Variants in ODAD1 observed in about 807,000 individuals in gnomAD.
ODAD1 encodes the protein outer dynein arm docking complex subunit 1.
A neutral mutation model predicts 67.2 loss-of-function variants in ODAD1; 49 were observed. The observed-to-expected ratio is 0.73, with a 90% CI of 0.58 to 0.92. The LOEUF (loss-of-function observed/expected upper bound fraction) is 0.92, where lower values mean the gene tolerates loss of function less well. Among genes scored for constraint, ODAD1 ranks in the 40% least tolerant of loss-of-function variants. The pLI is 0.00. For missense variants in ODAD1, 897 were observed against 953.7 expected (o/e 0.94, Z 0.78); for synonymous variants, 345 against 393.7 (o/e 0.88, Z 1.46).
rs559484883 is a variant in ODAD1, at chr19:48,302,630, G to A, written c.1240+64C>T. 75 of 1,419,280 alleles carry A rather than the reference G, an allele frequency of 5.3e-5. No homozygotes were observed. In the South Asian group the frequency reaches 6.8e-4, roughly 13 times the overall value. 87.9% of individuals were successfully genotyped at this position (1,419,280 alleles called of 1,614,324 possible). A position where few individuals can be genotyped will look rare whatever the true frequency, so the allele number is the denominator to read the frequency against. On this transcript the variant is annotated intron_variant, in intron 12 of 15. Transcript: ENST00000674294. ...TCCATGCAATGCCTCCAAGCCCCGC[G>A]GGCTGATGGTGTCCTTCCAAGTGGA...
At chr19:48,319,594 C>T (rs991255438) in intron 3 of ODAD1, 1 of 194,390 alleles carries the variant, frequency 5.1e-6, no homozygotes, top group Non-Finnish European at 9.4e-6. Flanking sequence ...GTGGCACAAT[C>T]TCAGCTCACT....
rs34516095 is a variant in ODAD1, at chr19:48,311,215, C to A, written c.597+338G>T. ...CGACAGAGTGAGACTCATCTCAAAA[C>A]AAAGAAAGAAAGAAAGTCAAAAGAG... On this transcript the variant is annotated intron_variant, in intron 7 of 15. Coordinates refer to ENST00000674294, the MANE Select transcript of ODAD1 (RefSeq NM_001364171.2). 0.26 allele frequency among the ~76,000 whole-genome samples: 39,319 copies of A among 151,914 alleles called. 5,991 individuals are homozygous for A. The highest frequency in any genetic ancestry group is 0.43 in the African/African-American group (17,799 of 41,402).
chr19:48,297,010 G>T lies in ODAD1; in HGVS notation c.2090C>A (p.Pro697Gln). Residue 697 changes from proline to glutamine, a missense_variant, in exon 16 of 16, where the codon CCG (proline) becomes CAG (glutamine). Transcript: ENST00000674294. The stretch of plus-strand genomic sequence containing the variant: ...GGAGTCTTTGCTGGTGGAGGAGCCC[G>T]GGCCAGTGCTGGAGGCAGGGCCGGT... ...SSTGPASSTG[P>Q]GSSTSKDSRG 1 of 1,609,628 alleles carries T rather than the reference G, an allele frequency of 6.2e-7. No homozygotes were observed.
At chr19:48,314,015 G>T (rs1314641159) in intron 5 of ODAD1, among the ~76,000 whole-genome samples, 1 of 152,140 alleles carries the variant, frequency 6.6e-6, no homozygotes, top group African/African-American at 2.4e-5. Context: ...GGCTGAGATG[G>T]GTGGATAACT....
intron 9 of ODAD1, 68 bp from the exon 10 acceptor site, chr19:48,303,852 G>C: frequency 6.3e-7 from 1 of 1,574,932 alleles, no homozygotes; most frequent in Admixed American, 1.8e-5. Context: ...CCTGGGTGAG[G>C]GGGAGCGAAG....
intron 10 of ODAD1, 188 bp from the exon 11 acceptor site, chr19:48,303,283 G>A (rs1968518494): frequency 1.6e-6 from 1 of 631,084 alleles, no homozygotes; most frequent in South Asian, 1.9e-5. Context: ...GATACGGCAG[G>A]TGGGACACAG....
In ODAD1 at chr19:48,296,757, T is replaced by G; in HGVS notation, c.*219A>C. The G allele has an allele frequency of 8.1e-6, 11 of 1,365,198 alleles. No homozygotes were observed. The highest frequency in any genetic ancestry group is 3.7e-5 in the South Asian group (2 of 53,806). 84.6% of individuals were successfully genotyped at this position (1,365,198 alleles called of 1,614,324 possible). ...AGCCCAGAGAACAGGAGATCAGGAG[T>G]CAGAGGGAAAAGCAGTGTCAGGAGC... is the stretch of plus-strand genomic sequence containing the variant. On this transcript the variant is annotated 3_prime_UTR_variant, in exon 16 of 16. Transcript: ENST00000674294.
rs1968361145 is a variant in ODAD1 at position 48,298,188 on chromosome 19, G to A, written c.1393C>T (p.Leu465=). The change falls in exon 13 of 16, where the codon CTA becomes TTA. Residue 465 remains leucine, a synonymous_variant. Transcript: ENST00000674294. ...LVELLTVQAF[L]HAQSFTSLAD... The stretch of plus-strand genomic sequence containing the variant: ...CTGCCGTCTCCCACCTGGGCATGTA[G>A]GAAGGCCTGCACTGTCAGGAGCTCC... 1 of 1,612,772 alleles carries A rather than the reference G, an allele frequency of 6.2e-7. No individual in the cohort carries two copies. Among genetic ancestry groups the A allele is most frequent in the Admixed American group, 1.7e-5 (1 of 59,976 alleles).
At chr19:48,318,861 C>G (rs772330964) in intron 3 of ODAD1, 49 bp from the exon 4 acceptor site, 2 of 1,187,780 alleles carry the variant, frequency 1.7e-6, no homozygotes, top group African/African-American at 3.0e-5. Flanking sequence ...TGGCCACCAG[C>G]TCCTCCCAAC....
At chr19:48,300,088 C>G (rs1165994220) in intron 12 of ODAD1, among the ~76,000 whole-genome samples, 1 of 151,726 alleles carries the variant, frequency 6.6e-6, no homozygotes, top group Non-Finnish European at 1.5e-5. Context: ...GGGCAGATCA[C>G]CTGAGGTCAG....
At chr19:48,309,839 T>A (rs371095195) in intron 7 of ODAD1, among the ~76,000 whole-genome samples, 2 of 152,188 alleles carry the variant, frequency 1.3e-5, no homozygotes, top group African/African-American at 4.8e-5. Context: ...ATGGGACAAG[T>A]TGACATCAGG....
Position 48,297,311 on chromosome 19 carries a change from C to T in ODAD1, c.1789G>A (p.Val597Ile), listed in dbSNP as rs1296287942. Residue 597 changes from valine (V) to isoleucine (I), a missense_variant, in exon 16 of 16, where the codon GTC becomes ATC. Val to Ile is a conservative substitution (Grantham distance 29). Coordinates refer to ENST00000674294, the MANE Select transcript of ODAD1 (RefSeq NM_001364171.2). Reference protein sequence around the residue: ...TSRDRGSLGHVTFGGLSSSTG... With the variant: ...TSRDRGSLGHITFGGLSSSTG... ...CTGGAGCTGAGGCCGCCAAAAGTGA[C>T]GTGGCCAAGAGAGCCACGGTCTCTG... 13 of 1,613,518 alleles carry T rather than the reference C, an allele frequency of 8.1e-6. No individual in the cohort carries two copies. Among genetic ancestry groups the T allele is most frequent in the East Asian group, 4.5e-5 (2 of 44,890 alleles).
intron 10 of ODAD1, 157 bp downstream of exon 10, chr19:48,303,493 A>C (rs1968523756): frequency 4.8e-6 from 4 of 831,348 alleles, no homozygotes; most frequent in Non-Finnish European, 7.5e-6. Flanking sequence ...CCACGGTAAG[A>C]CGCCAGTGGA....
chr19:48,321,565 G>A (rs1969030963), intron 1 of ODAD1, 113 bp downstream of exon 1: 1 of 351,254 alleles, frequency 2.8e-6, no homozygotes, highest in East Asian at 4.0e-5. Context: ...CCTTACGAGG[G>A]GCCCGGTGGA....
At chr19:48,318,622 C>T (rs753703788) in intron 4 of ODAD1, 46 bp from the exon 5 acceptor site, 11 of 1,543,178 alleles carry the variant, frequency 7.1e-6, no homozygotes, top group African/African-American at 1.4e-5. Flanking sequence ...GGGGGCAGAA[C>T]TCAGCATCAC....
At chr19:48,311,796 G>A (rs1968771996) in intron 6 of ODAD1, 130 bp from the exon 7 acceptor site, 7 of 780,278 alleles carry the variant, frequency 9.0e-6, no homozygotes, top group African/African-American at 3.5e-5. Flanking sequence ...GAGGTTCTTT[G>A]GGGTTCCCGA....
At chr19:48,316,870 G>A (rs1049868433) in intron 5 of ODAD1, among the ~76,000 whole-genome samples, 2 of 152,074 alleles carry the variant, frequency 1.3e-5, no homozygotes, top group Non-Finnish European at 2.9e-5. Context: ...TTGGTGGCAC[G>A]TGCCTGTAAT....
chr19:48,306,101 A>G (rs1041381835), intron 8 of ODAD1, 155 bp downstream of exon 8: 13 of 686,550 alleles, frequency 1.9e-5, no homozygotes, highest in Non-Finnish European at 1.8e-6. Flanking sequence ...GAGGTGGGGA[A>G]CTGGTGGCGG....
Position 48,303,879 on chromosome 19 carries a change from G to A in ODAD1, c.853+74C>T, listed in dbSNP as rs1041880653. The A allele has an allele frequency of 5.1e-6, 8 of 1,580,978 alleles. No individual in the cohort carries two copies. The Admixed American group carries it at 6.9e-5, about 14-fold the overall frequency. ...GGAGCGAAGTGTGGTCCCACCTGGG[G>A]CACGAAGGTGTGCTGCAGGTGCCCC... On this transcript the variant is annotated intron_variant, in intron 9 of 15. Transcript: ENST00000674294.
Sources: allele counts gnomAD v4.1 joint callset (sites outside exome capture counted in the v4.1 genomes callset), GRCh38; gene constraint gnomAD v4.1.1; transcripts MANE v1.5; gene names NCBI Gene and HGNC (gene_info 2026-07-23, HGNC 2026-07-21).